Variants in MYCBP2 observed in about 807,000 individuals in gnomAD.
MYCBP2 encodes E3 ubiquitin-protein ligase MYCBP2.
MYCBP2 carries 120 observed loss-of-function variants against 525.3 expected under a neutral mutation model. That is an observed-to-expected ratio of 0.23 (90% CI 0.20 to 0.27). The LOEUF is 0.27. Among genes scored for constraint, MYCBP2 ranks in the 10% least tolerant of loss-of-function variants. The probability of loss-of-function intolerance (pLI) is 1.00; values close to 1 mark genes in which losing one functional copy is unlikely to be tolerated. For missense variants in MYCBP2, 4,149 were observed against 5,657.1 expected (o/e 0.73, Z 8.55); for synonymous variants, 1,894 against 1,955.8 (o/e 0.97, Z 0.83).
chr13:77,309,889 A>T (rs970730783), intron 1 of MYCBP2, among the ~76,000 whole-genome samples: 1 of 152,138 alleles, frequency 6.6e-6, no homozygotes, highest in African/African-American at 2.4e-5. Context: ...CGAGGCGGGC[A>T]AATCACGAGG....
In MYCBP2 at chr13:77,263,989, T is replaced by A; in HGVS notation, c.1371A>T (p.Glu457Asp). Residue 457 changes from glutamate to aspartate, a missense_variant, in exon 9 of 83, where the codon GAA becomes GAT. By Grantham distance (45) the Glu-to-Asp change is conservative. Around this residue, in one of 21 missense-constraint regions of MYCBP2, gnomAD observed 262 missense variants for 419.3 expected, o/e 0.62. Coordinates refer to ENST00000544440, the MANE Select transcript of MYCBP2 (RefSeq NM_015057.5). ...CATCAGTGAATAAAATATTTTGACC[T>A]TCAGTGTGGCAATCTGTGCAAAAGA... ...GTVMLPDCHTEGQNILFTDGE... is the reference protein window; with the variant it reads ...GTVMLPDCHTDGQNILFTDGE... 6.2e-7 allele frequency: 1 copy of A among 1,611,722 alleles called. No homozygotes were observed. Among genetic ancestry groups the A allele is most frequent in the Non-Finnish European group, 8.5e-7 (1 of 1,178,364 alleles).
chr13:77,191,826 T>C lies in MYCBP2; in HGVS notation c.3936-13A>G, dbSNP rs779217084. The C allele has an allele frequency of 6.8e-6, 11 of 1,612,346 alleles. No individual in the cohort carries two copies. The highest frequency in any genetic ancestry group is 6.7e-5 in the African/African-American group (5 of 74,820). On this transcript the variant is annotated splice_polypyrimidine_tract_variant and intron_variant, in intron 27 of 82. Coordinates refer to ENST00000544440, the MANE Select transcript of MYCBP2 (RefSeq NM_015057.5). ...TGCATATTTTTCTCTGAGAAAAAAT[T>C]AGTGAGTCAAAAACAATATTTTCTT...
chr13:77,163,497 G>A (rs1279497501), intron 43 of MYCBP2, among the ~76,000 whole-genome samples: 1 of 151,600 alleles, frequency 6.6e-6, no homozygotes, highest in Non-Finnish European at 1.5e-5. Context: ...ATTTTGGGGG[G>A]GTAAGAAAAT....
At chr13:77,172,135 G>A (rs760519240) in intron 37 of MYCBP2, among the ~76,000 whole-genome samples, 1 of 152,002 alleles carries the variant, frequency 6.6e-6, no homozygotes, top group Non-Finnish European at 1.5e-5. Flanking sequence ...TCCTGACCTC[G>A]TGATCCACCC....
At chr13:77,236,075 T>A (rs1455841188) in intron 17 of MYCBP2, among the ~76,000 whole-genome samples, 2 of 152,190 alleles carry the variant, frequency 1.3e-5, no homozygotes, top group Non-Finnish European at 2.9e-5. Context: ...AGAAGGTGGC[T>A]AATGGCTTAG....
At chr13:77,158,872 C>T (rs1197215103) in intron 44 of MYCBP2, among the ~76,000 whole-genome samples, 1 of 152,172 alleles carries the variant, frequency 6.6e-6, no homozygotes, top group Non-Finnish European at 1.5e-5. Context: ...TGTGGCAGCA[C>T]ACACATCTCA....
intron 67 of MYCBP2, 81 bp from the exon 68 acceptor site, chr13:77,076,930 G>T: frequency 1.7e-6 from 2 of 1,198,892 alleles, no homozygotes; most frequent in South Asian, 1.3e-5. Flanking sequence ...AGCTGATTCC[G>T]CAGGTTTTAT....
At chr13:77,250,861 A>C (rs2071082927) in intron 15 of MYCBP2, among the ~76,000 whole-genome samples, 1 of 152,202 alleles carries the variant, frequency 6.6e-6, no homozygotes, top group African/African-American at 2.4e-5. Context: ...AAAATAATAC[A>C]AATAAAAGTA....
intron 21 of MYCBP2, among the ~76,000 whole-genome samples, chr13:77,213,336 GT>G (rs1476283244): frequency 1.3e-5 from 2 of 152,076 alleles, no homozygotes; most frequent in Non-Finnish European, 2.9e-5. Flanking sequence ...TTAGCTGGGT[GT>G]GGTGGCATGG....
rs1026263014 is a variant in MYCBP2 at position 77,208,388 on chromosome 13, G to C, written c.3417-1563C>G. Among the ~76,000 whole-genome samples, 7 of 152,192 alleles carry C rather than the reference G, an allele frequency of 4.6e-5. 1 individual carries two copies. Among genetic ancestry groups the C allele is most frequent in the African/African-American group, 1.7e-4 (7 of 41,444 alleles). On this transcript the variant is annotated intron_variant, in intron 23 of 82. Coordinates refer to ENST00000544440, the MANE Select transcript of MYCBP2 (RefSeq NM_015057.5). Reference sequence around the variant, plus strand: ...AGCTTGCAGAAATACTTCCACATGTGTGTAAAACTCTGTGTGTAGATACCT... The same window carrying C: ...AGCTTGCAGAAATACTTCCACATGTCTGTAAAACTCTGTGTGTAGATACCT...
intron 24 of MYCBP2, 59 bp downstream of exon 24, chr13:77,206,594 A>G: frequency 7.1e-7 from 1 of 1,407,688 alleles, no homozygotes; most frequent in Non-Finnish European, 9.4e-7. Context: ...TACTCTAAAA[A>G]AAAACCCTGG....
At chr13:77,172,919 C>G (rs1430355689) in intron 37 of MYCBP2, among the ~76,000 whole-genome samples, 1 of 152,222 alleles carries the variant, frequency 6.6e-6, no homozygotes, top group Non-Finnish European at 1.5e-5. Flanking sequence ...TTCAGCGTCT[C>G]AGTTCCATCA....
In MYCBP2 at chr13:77,156,132, A is replaced by C; in HGVS notation, c.6841T>G (p.Cys2281Gly). The C allele has an allele frequency of 6.2e-7, 1 of 1,614,090 alleles. No homozygotes were observed. Among genetic ancestry groups the C allele is most frequent in the Non-Finnish European group, 8.5e-7 (1 of 1,179,960 alleles). ...SLILNKDDIR[C>G]GWPTTITVQT... is the part of the protein sequence containing the mutation. ...ACAGTTATGGTGGTAGGCCAACCACAACGAATATCATCCTTATTCAGGATC... is the reference window on the plus strand; with the variant it reads ...ACAGTTATGGTGGTAGGCCAACCACCACGAATATCATCCTTATTCAGGATC... The change falls in exon 46 of 83, where the codon TGT becomes GGT. Residue 2281 changes from cysteine (C) to glycine (G), a missense_variant. By Grantham distance (159) the Cys-to-Gly change is radical. This residue lies in a region of MYCBP2 where 692 missense variants were observed against 852.7 expected (regional missense o/e 0.81). Coordinates refer to ENST00000544440, the MANE Select transcript of MYCBP2 (RefSeq NM_015057.5).
At chr13:77,302,861 A>T (rs989177564) in intron 1 of MYCBP2, among the ~76,000 whole-genome samples, 3 of 152,256 alleles carry the variant, frequency 2.0e-5, no homozygotes, top group Non-Finnish European at 4.4e-5. Flanking sequence ...TTAGGAAATC[A>T]TAACACTCCT....
intron 49 of MYCBP2, among the ~76,000 whole-genome samples, chr13:77,142,244 C>T (rs1028947420): frequency 1.2e-4 from 19 of 152,060 alleles, no homozygotes; most frequent in African/African-American, 3.6e-4. Flanking sequence ...TTTTTGTTTG[C>T]GTGTTTTATT....
rs140758979 is a variant in MYCBP2 at position 77,188,003 on chromosome 13, G to A, written c.4251+948C>T. ...GGAGAATTGCTTGAACTCAGGACGC[G>A]GAGGTTGCAGTGAGCCAAGATCGTG... On this transcript the variant is annotated intron_variant, in intron 30 of 82. Coordinates refer to ENST00000544440, the MANE Select transcript of MYCBP2 (RefSeq NM_015057.5). Among the ~76,000 whole-genome samples, 396 of 151,072 alleles carry A rather than the reference G, an allele frequency of 2.6e-3. 16 individuals carry two copies. The East Asian group carries it at 0.07, about 27-fold the overall frequency.
At chr13:77,247,996 TG>T (rs1003996622) in intron 15 of MYCBP2, among the ~76,000 whole-genome samples, 1 of 148,454 alleles carries the variant, frequency 6.7e-6, no homozygotes, top group Non-Finnish European at 1.5e-5. Context: ...TGTTGTGGGG[TG>T]GGGGAAGCGG....
intron 65 of MYCBP2, among the ~76,000 whole-genome samples, chr13:77,079,450 C>G (rs1354596355): frequency 3.3e-5 from 5 of 152,144 alleles, no homozygotes; most frequent in Non-Finnish European, 5.9e-5. Context: ...TGTCAAATAT[C>G]TTAAGGCTGA....
rs754165692 is a variant in MYCBP2, at chr13:77,243,955, G to A, written c.2382-4C>T. ...TCCGGAACCACAACCACAGATCCTA[G>A]GGGGAAATACAAAAAAAAAAAAAAA... On this transcript the variant is annotated splice_region_variant and splice_polypyrimidine_tract_variant and intron_variant, in intron 15 of 82. Transcript: ENST00000544440. 7 of 1,473,710 alleles carry A rather than the reference G, an allele frequency of 4.7e-6. No homozygotes were observed. In the South Asian group the frequency reaches 8.5e-5, roughly 18 times the overall value. 91.3% of individuals were successfully genotyped at this position (1,473,710 alleles called of 1,614,324 possible). A position where few individuals can be genotyped will look rare whatever the true frequency, so the allele number is the denominator to read the frequency against.
Sources: gnomAD v4.1 joint callset for allele counts (sites outside exome capture counted in the v4.1 genomes callset) on GRCh38, gnomAD v4.1.1 for gene constraint, gnomAD v4.1.1 regional missense constraint, MANE v1.5 for transcripts, NCBI Gene and HGNC (gene_info 2026-07-23, HGNC 2026-07-21) for gene names.